Variants in IFT74 observed in about 807,000 individuals in gnomAD.
IFT74 encodes the protein intraflagellar transport 74.
IFT74 carries 92 observed loss-of-function variants against 96.7 expected under a neutral mutation model. The observed-to-expected ratio is 0.95, with a 90% confidence interval of 0.80 to 1.13. The LOEUF is 1.13. IFT74 is among the 50% of genes most tolerant of loss of function. The pLI is 0.00. For synonymous variants in IFT74, 223 were observed against 213.2 expected (o/e 1.05, Z -0.40); for missense variants, 811 against 698.2 (o/e 1.16, Z -1.82).
intron 9 of IFT74, among the ~76,000 whole-genome samples, chr9:27,011,566 G>A (rs1248802070): frequency 6.6e-6 from 1 of 150,848 alleles, no homozygotes; most frequent in Non-Finnish European, 1.5e-5. Context: ...GAAAGCTTCT[G>A]ATATTTGATG....
chr9:26,999,546 T>C (rs1421015343), intron 8 of IFT74: 1 of 1,221,204 alleles, frequency 8.2e-7, no homozygotes, highest in Non-Finnish European at 1.2e-6. Context: ...TGCCCTTTTA[T>C]ATTTTACTAA....
intron 18 of IFT74, among the ~76,000 whole-genome samples, chr9:27,056,869 TA>T (rs1820186137): frequency 6.8e-6 from 1 of 147,640 alleles, no homozygotes; most frequent in African/African-American, 2.5e-5. Context: ...GATAGATAGA[TA>T]GATAGATAGA....
chr9:27,008,971 A>T (rs768305149), intron 8 of IFT74, 49 bp from the exon 9 acceptor site: 5 of 1,444,106 alleles, frequency 3.5e-6, no homozygotes, highest in South Asian at 2.5e-5. Context: ...ATAATTGGAT[A>T]TTTTTTCCTC....
At chr9:26,978,011 T>C (rs973217239) in intron 2 of IFT74, 117 bp from the exon 3 acceptor site, 2 of 789,660 alleles carry the variant, frequency 2.5e-6, no homozygotes, top group African/African-American at 1.8e-5. Context: ...AATAAGGAAA[T>C]TTTTACAAAT....
chr9:27,016,768 G>T, intron 10 of IFT74, 139 bp from the exon 11 acceptor site: 1 of 545,332 alleles, frequency 1.8e-6, no homozygotes, highest in Non-Finnish European at 3.1e-6. Flanking sequence ...TAGCATTATT[G>T]AGTACTAATG....
chr9:26,994,744 A>G (rs1248822765), intron 8 of IFT74: 1 of 152,586 alleles, frequency 6.6e-6, no homozygotes, highest in East Asian at 1.9e-4. Flanking sequence ...GGACCACATG[A>G]AGATTCCTTA....
At chr9:27,022,782 A>AC (rs1829674051) in intron 12 of IFT74, among the ~76,000 whole-genome samples, 1 of 151,944 alleles carries the variant, frequency 6.6e-6, no homozygotes, top group African/African-American at 2.4e-5. Flanking sequence ...AGCTGGGACT[A>AC]AAGGCACGTG....
At chr9:26,985,997 G>A (rs1827615393) in intron 6 of IFT74, among the ~76,000 whole-genome samples, 1 of 152,122 alleles carries the variant, frequency 6.6e-6, no homozygotes, top group African/African-American at 2.4e-5. Flanking sequence ...ATTGATAACT[G>A]CTCAGTCCTT....
At chr9:27,031,228 C>G (rs1276646059) in intron 13 of IFT74, among the ~76,000 whole-genome samples, 1 of 152,076 alleles carries the variant, frequency 6.6e-6, no homozygotes, top group Non-Finnish European at 1.5e-5. Context: ...CCTGTAGTCC[C>G]AGCACTTTGG....
intron 15 of IFT74, 77 bp from the exon 16 acceptor site, chr9:27,048,071 A>G: frequency 1.0e-6 from 1 of 954,270 alleles, no homozygotes. Flanking sequence ...ATCCTTTGAC[A>G]GTGTTTTCCA....
At chr9:27,007,760 A>G (rs1460627002) in intron 8 of IFT74, among the ~76,000 whole-genome samples, 1 of 152,248 alleles carries the variant, frequency 6.6e-6, no homozygotes, top group South Asian at 2.1e-4. Flanking sequence ...GTTGGTATCT[A>G]TGAGCGAAAG....
intron 18 of IFT74, among the ~76,000 whole-genome samples, chr9:27,060,177 A>G (rs185196963): frequency 6.6e-6 from 1 of 152,312 alleles, no homozygotes; most frequent in East Asian, 1.9e-4. Context: ...GAAATAAGGA[A>G]GTTTCTCCTA....
At chr9:27,040,896 A>G (rs961609746) in intron 13 of IFT74, among the ~76,000 whole-genome samples, 1 of 152,176 alleles carries the variant, frequency 6.6e-6, no homozygotes, top group Non-Finnish European at 1.5e-5. Context: ...GGAGAACGTC[A>G]TTTGATGCCA....
chr9:26,988,501 T>C (rs1325255249), intron 6 of IFT74, among the ~76,000 whole-genome samples, 168 bp from the exon 7 acceptor site: 1 of 152,206 alleles, frequency 6.6e-6, no homozygotes, highest in Non-Finnish European at 1.5e-5. Context: ...TATGCTTACT[T>C]AGGTAGCTCA....
Position 26,998,220 on chromosome 9 carries a change from C to A in IFT74, c.587+8025C>A. 6 of 1,471,300 alleles carry A rather than the reference C, an allele frequency of 4.1e-6. No individual in the cohort carries two copies. In the South Asian group the frequency reaches 4.2e-5, roughly 10 times the overall value. The allele number at this position is 1,471,300 out of a possible 1,614,324, so 91.1% of individuals were successfully genotyped here. On this transcript the variant is annotated intron_variant, in intron 8 of 19. Coordinates refer to ENST00000380062, the MANE Select transcript of IFT74 (RefSeq NM_025103.4). ...GCTGGAATCAAGGTATAATTTTTTT[C>A]AGTAAAATTACATTGGACTTCCTAG... is the stretch of plus-strand genomic sequence containing the variant.
chr9:27,023,584 C>CT (rs1340331766), intron 12 of IFT74, among the ~76,000 whole-genome samples: 1 of 151,918 alleles, frequency 6.6e-6, no homozygotes, highest in African/African-American at 2.4e-5. Context: ...ATTTTTGCCT[C>CT]TAAGTTCATT....
intron 1 of IFT74, among the ~76,000 whole-genome samples, 193 bp from the exon 2 acceptor site, chr9:26,961,756 T>G (rs1322776073): frequency 1.3e-5 from 2 of 152,064 alleles, no homozygotes; most frequent in African/African-American, 4.8e-5. Flanking sequence ...GAGGAAGGAA[T>G]GTTGCAAGAA....
In IFT74 at chr9:26,947,972, A is replaced by G. The variant is rs115338479; in HGVS notation, c.-20+826A>G. ...GACCTTATTGAGTGCCAGGGTAAAC[A>G]TGACCTGTCTCCTTACTTTGTTTTC... is the stretch of plus-strand genomic sequence containing the variant. On this transcript the variant is annotated intron_variant, in intron 1 of 19. Coordinates refer to the IFT74 transcript ENST00000433700. Among the ~76,000 whole-genome samples the G allele has an allele frequency of 2.0e-3, 305 of 152,258 alleles. 1 individual carries two copies. The highest frequency in any genetic ancestry group is 6.6e-3 in the African/African-American group (275 of 41,538).
At position 26,972,169 on chromosome 9, in the gene IFT74, G is replaced by A. The variant is rs183230032; in HGVS notation, c.121-5959G>A. The stretch of plus-strand genomic sequence containing the variant: ...CCTGTTAAGAAACTAGCTAGTTTGA[G>A]TGAATTATCAGTAGTTAATGTTAAA... On this transcript the variant is annotated intron_variant, in intron 2 of 19. Transcript: ENST00000380062. Among the ~76,000 whole-genome samples, 11 of 152,280 alleles carry A rather than the reference G, an allele frequency of 7.2e-5. No individual in the cohort carries two copies. In the East Asian group the frequency reaches 2.1e-3, roughly 29 times the overall value.
Sources: allele counts gnomAD v4.1 joint callset (sites outside exome capture counted in the v4.1 genomes callset), GRCh38; gene constraint gnomAD v4.1.1; transcripts MANE v1.5; gene names NCBI Gene and HGNC (gene_info 2026-07-23, HGNC 2026-07-21).